Variants in RALB observed in about 807,000 individuals in gnomAD.
RALB encodes ras-related protein Ral-B.
A neutral mutation model predicts 21.3 loss-of-function variants in RALB; 16 were observed. That is an observed-to-expected ratio of 0.75 (90% CI 0.51 to 1.14). RALB has a LOEUF of 1.14. RALB is among the 50% of genes most tolerant of loss of function. The pLI is 0.00. For missense variants in RALB, 161 were observed against 256.2 expected, an observed-to-expected ratio of 0.63 and a Z score of 2.54; for synonymous variants, 93 against 96.1, an observed-to-expected ratio of 0.97 and a Z score of 0.19.
upstream of RALB, among the ~76,000 whole-genome samples, chr2:120,250,111 AT>A (rs1157885373): frequency 6.6e-6 from 1 of 152,110 alleles, no homozygotes; most frequent in African/African-American, 2.4e-5. Flanking sequence ...ATAATTTGTA[AT>A]TTTTGGGGTG....
At chr2:120,259,104 G>A (rs1340281914) in intron 1 of RALB, among the ~76,000 whole-genome samples, 5 of 151,892 alleles carry the variant, frequency 3.3e-5, no homozygotes, top group Non-Finnish European at 5.9e-5. Context: ...AGATCTTCGC[G>A]GTGAGTGTTA....
chr2:120,292,525 G>A (rs577117243), intron 4 of RALB, among the ~76,000 whole-genome samples: 280 of 152,270 alleles, frequency 1.8e-3, no homozygotes, highest in Non-Finnish European at 3.1e-3. Context: ...CCCTTCCCTG[G>A]TGGTTGGAAA....
chr2:120,250,164 T>C (rs1255227544), upstream of RALB, among the ~76,000 whole-genome samples: 1 of 152,212 alleles, frequency 6.6e-6, no homozygotes, highest in Non-Finnish European at 1.5e-5. Flanking sequence ...TTTGTGTGAG[T>C]TGTTCACCTT....
intron 1 of RALB, among the ~76,000 whole-genome samples, chr2:120,270,853 A>C (rs1689645235): frequency 6.6e-6 from 1 of 151,984 alleles, no homozygotes; most frequent in Admixed American, 6.6e-5. Context: ...TTGTCCCTAC[A>C]TTGTCCCAGC....
intron 1 of RALB, among the ~76,000 whole-genome samples, chr2:120,269,581 C>T (rs1689607770): frequency 6.6e-6 from 1 of 152,168 alleles, no homozygotes; most frequent in Non-Finnish European, 1.5e-5. Flanking sequence ...AACCTCTAGC[C>T]AGCCACAGAG....
intron 4 of RALB, among the ~76,000 whole-genome samples, chr2:120,290,935 C>T (rs567689378): frequency 1.1e-4 from 17 of 152,230 alleles, no homozygotes; most frequent in Non-Finnish European, 2.2e-4. Flanking sequence ...GGCAGCCACA[C>T]AGTGGACACG....
Position 120,293,259 on chromosome 2 carries a change from G to A in RALB, c.620G>A (p.Ter207=), listed in dbSNP as rs774652193. Residue 207 remains the stop codon, a stop_retained_variant, in exon 5 of 5, where the codon TGA becomes TAA. Transcript: ENST00000272519. ...KSFKERCCLL[*] is the part of the protein sequence containing the mutation. ...TTTAAAGAAAGATGTTGCTTACTAT[G>A]AGTGTCAAGGTGACGGATGAAGCCA... The A allele has an allele frequency of 2.5e-6, 4 of 1,610,764 alleles. No homozygotes were observed. The African/African-American group carries it at 5.4e-5, about 22-fold the overall frequency.
At chr2:120,262,632 T>G (rs899419190) in intron 1 of RALB, among the ~76,000 whole-genome samples, 1 of 152,094 alleles carries the variant, frequency 6.6e-6, no homozygotes, top group Non-Finnish European at 1.5e-5. Flanking sequence ...CAAACGTGGC[T>G]GGGGAGGTGG....
chr2:120,278,704 C>T lies in RALB; in HGVS notation c.40C>T (p.Leu14Phe), dbSNP rs1411301372. The T allele has an allele frequency of 1.3e-6, 2 of 1,598,518 alleles. No individual in the cohort carries two copies. The highest frequency in any genetic ancestry group is 8.5e-7 in the Non-Finnish European group (1 of 1,171,770). ...GAGTAAGGGCCAGAGCTCCTTGGCCCTCCACAAGGTGATCATGGTTGGCAG... is the reference window on the plus strand; with the variant it reads ...GAGTAAGGGCCAGAGCTCCTTGGCCTTCCACAAGGTGATCATGGTTGGCAG... ...NKSKGQSSLA[L>F]HKVIMVGSGG... Residue 14 changes from leucine to phenylalanine, a missense_variant, in exon 2 of 5, where the codon CTC (leucine) becomes TTC (phenylalanine). Transcript: ENST00000272519.
chr2:120,264,367 G>T (rs1393509258), intron 1 of RALB, among the ~76,000 whole-genome samples: 1 of 152,048 alleles, frequency 6.6e-6, no homozygotes, highest in Non-Finnish European at 1.5e-5. Flanking sequence ...GGCCAGGCTG[G>T]TCTGGAACTC....
rs1314293389 is a variant in RALB, at chr2:120,270,141, TG to T, written c.-47-8476del. Among the ~76,000 whole-genome samples, 8 of 152,360 alleles carry T rather than the reference TG, an allele frequency of 5.3e-5. No individual in the cohort carries two copies. In the East Asian group the frequency reaches 1.5e-3, roughly 29 times the overall value. On this transcript the variant is annotated intron_variant, in intron 1 of 4. Transcript: ENST00000272519. ...ATATTAGGGATATTACTTTGTTTTG[TG>T]TTGCAAATATTTTCTCCTTATCTGT...
intron 2 of RALB, among the ~76,000 whole-genome samples, chr2:120,285,388 C>T (rs1376273083): frequency 6.6e-6 from 1 of 152,170 alleles, no homozygotes; most frequent in Non-Finnish European, 1.5e-5. Context: ...CCATATCATA[C>T]ATCTTGCCAA....
At chr2:120,262,071 TTGGG>T (rs1206408533) in intron 1 of RALB, among the ~76,000 whole-genome samples, 5 of 150,148 alleles carry the variant, frequency 3.3e-5, no homozygotes, top group Non-Finnish European at 7.4e-5. Flanking sequence ...ACGACAGGAG[TTGGG>T]TAGAATGGAA....
At chr2:120,289,226 A>T (rs1466189242) in intron 3 of RALB, among the ~76,000 whole-genome samples, 1 of 138,240 alleles carries the variant, frequency 7.2e-6, no homozygotes, top group Non-Finnish European at 1.6e-5. Context: ...GCAGAGATTG[A>T]CCATTTTTCT....
chr2:120,282,151 G>A (rs1320724240), intron 2 of RALB, among the ~76,000 whole-genome samples: 2 of 152,170 alleles, frequency 1.3e-5, no homozygotes, highest in Non-Finnish European at 2.9e-5. Flanking sequence ...GTGATTGAGA[G>A]GCCCTGGGTT....
At chr2:120,275,407 C>A (rs1288589058) in intron 1 of RALB, among the ~76,000 whole-genome samples, 3 of 152,224 alleles carry the variant, frequency 2.0e-5, no homozygotes, top group African/African-American at 7.2e-5. Flanking sequence ...TTCTTTTGAG[C>A]TCAGCTGTGC....
chr2:120,253,035 G>A (rs758004136), intron 1 of RALB, 55 bp downstream of exon 1: 9 of 944,020 alleles, frequency 9.5e-6, no homozygotes, highest in Non-Finnish European at 1.1e-5. Flanking sequence ...GCTGGGGAGT[G>A]GGGTACGCCG....
chr2:120,252,582 C>G (rs915050141), upstream of RALB, among the ~76,000 whole-genome samples: 1 of 152,226 alleles, frequency 6.6e-6, no homozygotes, highest in Non-Finnish European at 1.5e-5. Flanking sequence ...CCTCCACTGC[C>G]GCAGGGTTAC....
rs75595442 is a variant in RALB at position 120,253,630 on chromosome 2, T to G, written c.-48+650T>G. On this transcript the variant is annotated intron_variant, in intron 1 of 4. Transcript: ENST00000272519. ...AGGTTAACCGTGCTCGGTGCAGGGT[T>G]GCGGGGCGCGGAGCTTGCTGCGTCC... 1.6e-4 allele frequency: 155 copies of G among 985,426 alleles called. 2 individuals are homozygous for G. In the East Asian group the frequency reaches 0.011, roughly 72 times the overall value. 61.0% of individuals were successfully genotyped at this position (985,426 alleles called of 1,614,324 possible). A position where few individuals can be genotyped will look rare whatever the true frequency, so the allele number is the denominator to read the frequency against.
Sources: allele counts gnomAD v4.1 joint callset (sites outside exome capture counted in the v4.1 genomes callset), GRCh38; gene constraint gnomAD v4.1.1; transcripts MANE v1.5; gene names NCBI Gene and HGNC (gene_info 2026-07-23, HGNC 2026-07-21).